MED13: variants seen among roughly 807,000 people sequenced by gnomAD.
MED13 encodes mediator of RNA polymerase II transcription subunit 13.
In MED13, 23 loss-of-function variants were observed where a neutral mutation model predicts 225.2. The observed-to-expected ratio is 0.10, with a 90% confidence interval of 0.07 to 0.14. The LOEUF (loss-of-function observed/expected upper bound fraction) is 0.14, where lower values mean the gene tolerates loss of function less well. Among genes scored for constraint, MED13 ranks in the 10% least tolerant of loss-of-function variants. MED13 has a pLI of 1.00. For synonymous variants in MED13, 942 were observed against 889.2 expected (o/e 1.06, Z -1.06); for missense variants, 2,197 against 2,594.5 (o/e 0.85, Z 3.33).
In MED13 at chr17:62,063,146, T is replaced by A; in HGVS notation, c.222A>T (p.Arg74Ser). The A allele has an allele frequency of 6.2e-7, 1 of 1,614,192 alleles. No homozygotes were observed. Among genetic ancestry groups the A allele is most frequent in the Non-Finnish European group, 8.5e-7 (1 of 1,180,018 alleles). The change falls in exon 2 of 30, where the codon AGA becomes AGT. Residue 74 changes from arginine (R) to serine (S), a missense_variant. By Grantham distance (110) the Arg-to-Ser change is moderately radical. This residue lies in a region of MED13 where 884 missense variants were observed against 918.5 expected (regional missense o/e 0.96). Coordinates refer to ENST00000397786, the MANE Select transcript of MED13 (RefSeq NM_005121.3). ...DVLGVWRRDQ[R>S]PGRRELWIFW... is the part of the protein sequence containing the mutation. ...ATATCCACAATTCTCTTCTTCCAGGTCTTTGATCTCGCCGCCAAACACCAA... is the reference window on the plus strand; with the variant it reads ...ATATCCACAATTCTCTTCTTCCAGGACTTTGATCTCGCCGCCAAACACCAA...
intron 10 of MED13, among the ~76,000 whole-genome samples, 186 bp from the exon 11 acceptor site, chr17:61,992,807 T>A (rs1251815293): frequency 1.3e-5 from 2 of 152,054 alleles, no homozygotes; most frequent in Non-Finnish European, 2.9e-5. Flanking sequence ...TCTCGCTCTA[T>A]CACCAGGCTG....
At chr17:62,048,058 A>G (rs11653035) in intron 3 of MED13, among the ~76,000 whole-genome samples, 3,492 of 143,274 alleles carry the variant, frequency 0.024, 61 homozygotes, top group Non-Finnish European at 0.035. Context: ...ATATATATAT[A>G]TATATGTATA....
intron 26 of MED13, 127 bp from the exon 27 acceptor site, chr17:61,953,240 T>C (rs2079912076): frequency 3.3e-6 from 3 of 905,810 alleles, no homozygotes; most frequent in Non-Finnish European, 4.9e-6. Flanking sequence ...TTACTGAGTG[T>C]CTACCATGTG....
At chr17:61,986,797 A>C (rs2080251523) in intron 12 of MED13, among the ~76,000 whole-genome samples, 1 of 152,188 alleles carries the variant, frequency 6.6e-6, no homozygotes, top group Non-Finnish European at 1.5e-5. Flanking sequence ...CAAAAGGAGA[A>C]ACAAAACCCT....
intron 9 of MED13, among the ~76,000 whole-genome samples, chr17:62,007,955 C>T (rs1043157368): frequency 5.0e-4 from 73 of 144,754 alleles, no homozygotes; most frequent in African/African-American, 1.7e-3. Context: ...GAAGGCAGAG[C>T]TTCCAGTGAG....
At chr17:62,032,558 T>C (rs1391559848) in intron 5 of MED13, 1 of 151,990 alleles carries the variant, frequency 6.6e-6, no homozygotes, top group Non-Finnish European at 1.5e-5. Context: ...AAATACAATA[T>C]GGTAGATTCT....
At chr17:62,002,171 A>G (rs1173508550) in intron 9 of MED13, among the ~76,000 whole-genome samples, 4 of 152,296 alleles carry the variant, frequency 2.6e-5, no homozygotes, top group South Asian at 2.1e-4. Context: ...GCTTCCAGAA[A>G]GAATTTAAGA....
intron 16 of MED13, 57 bp from the exon 17 acceptor site, chr17:61,972,945 A>C (rs2080122528): frequency 6.9e-7 from 1 of 1,439,700 alleles, no homozygotes; most frequent in African/African-American, 1.4e-5. Flanking sequence ...AACACAAATA[A>C]AATTTTAAGA....
intron 8 of MED13, among the ~76,000 whole-genome samples, chr17:62,018,853 G>A (rs923147215): frequency 1.5e-4 from 23 of 152,132 alleles, no homozygotes; most frequent in African/African-American, 5.3e-4. Context: ...CGGATATTTA[G>A]AGATGAGTAT....
intron 18 of MED13, 105 bp from the exon 19 acceptor site, chr17:61,966,756 T>A (rs1259863531): frequency 4.3e-6 from 3 of 699,516 alleles, no homozygotes; most frequent in African/African-American, 1.8e-5. Flanking sequence ...CTTAACCATT[T>A]GCAATTAACA....
At chr17:61,955,638 T>G (rs2079936513) in intron 25 of MED13, 42 bp downstream of exon 25, 1 of 1,563,756 alleles carries the variant, frequency 6.4e-7, no homozygotes, top group African/African-American at 1.4e-5. Flanking sequence ...AAAACTTAAC[T>G]GCATAAAGAA....
At chr17:62,063,384 TAA>T in intron 1 of MED13, 83 bp from the exon 2 acceptor site, 1 of 870,412 alleles carries the variant, frequency 1.1e-6, no homozygotes, top group African/African-American at 1.7e-5. Context: ...CTTATTTCAT[TAA>T]GACATTACAA....
chr17:62,062,373 C>T (rs2081045434), intron 2 of MED13, among the ~76,000 whole-genome samples: 1 of 152,152 alleles, frequency 6.6e-6, no homozygotes, highest in African/African-American at 2.4e-5. Flanking sequence ...GAAGTAATCA[C>T]ATTGATTTGC....
intron 22 of MED13, 21 bp from the exon 23 acceptor site, chr17:61,961,111 G>T: frequency 6.5e-7 from 1 of 1,528,262 alleles, no homozygotes; most frequent in Non-Finnish European, 9.0e-7. Flanking sequence ...AAAAATTAAG[G>T]TATTATCATA....
chr17:61,947,366 A>ATCTATTT (rs1472468892), intron 28 of MED13, among the ~76,000 whole-genome samples: 7 of 152,042 alleles, frequency 4.6e-5, no homozygotes, highest in African/African-American at 1.7e-4. Context: ...CTTACTTTGA[A>ATCTATTT]TCTATTTCCT....
At chr17:62,050,103 A>C (rs1173701177) in intron 3 of MED13, among the ~76,000 whole-genome samples, 1 of 152,146 alleles carries the variant, frequency 6.6e-6, no homozygotes, top group East Asian at 1.9e-4. Flanking sequence ...TCATGCCTGT[A>C]ATCCCAGCAC....
At position 61,955,387 on chromosome 17, in the gene MED13, T is replaced by C. The variant is rs748931205; in HGVS notation, c.5963A>G (p.Asn1988Ser). The C allele has an allele frequency of 2.6e-6, 4 of 1,543,486 alleles. No homozygotes were observed. The highest frequency in any genetic ancestry group is 2.3e-5 in the East Asian group (1 of 43,908). The change falls in exon 26 of 30, where the codon AAC (asparagine) becomes AGC (serine). Residue 1988 changes from asparagine to serine, a missense_variant. Coordinates refer to ENST00000397786, the MANE Select transcript of MED13 (RefSeq NM_005121.3). ...AAATGGAACAAATTACGTACCATTG[T>C]TGGGATTGAAAGCTAAATCCAAATT... ...TENLDLAFNP[N>S]NDGADGMGIF...
At chr17:61,990,633 A>C (rs999158323) in intron 11 of MED13, among the ~76,000 whole-genome samples, 1 of 145,824 alleles carries the variant, frequency 6.9e-6, no homozygotes, top group Non-Finnish European at 1.5e-5. Flanking sequence ...CTGTGTATAT[A>C]TATATATATA....
intron 3 of MED13, among the ~76,000 whole-genome samples, chr17:62,043,227 CAAG>C (rs2080871012): frequency 1.9e-5 from 2 of 106,012 alleles, no homozygotes; most frequent in Admixed American, 1.8e-4. Flanking sequence ...AAAACCTCAA[CAAG>C]GAGGAAAAAT....
Sources: gnomAD v4.1 joint callset for allele counts (sites outside exome capture counted in the v4.1 genomes callset) on GRCh38, gnomAD v4.1.1 for gene constraint, gnomAD v4.1.1 regional missense constraint, MANE v1.5 for transcripts, NCBI Gene and HGNC (gene_info 2026-07-23, HGNC 2026-07-21) for gene names.